Variants in RNF180 observed in about 807,000 individuals in gnomAD.
RNF180 encodes E3 ubiquitin-protein ligase RNF180.
RNF180 carries 38 observed loss-of-function variants against 59.2 expected under a neutral mutation model. The observed-to-expected ratio is 0.64, with a 90% CI of 0.50 to 0.84. The LOEUF (loss-of-function observed/expected upper bound fraction) is 0.84, where lower values mean the gene tolerates loss of function less well. Ranked by LOEUF, RNF180 falls within the 40% of genes least tolerant of loss-of-function variation. RNF180 has a pLI of 0.00. For synonymous variants in RNF180, 262 were observed against 240.3 expected, an observed-to-expected ratio of 1.09 and a Z score of -0.84; for missense variants, 705 against 700.9, an observed-to-expected ratio of 1.01 and a Z score of -0.07.
chr5:64,192,498 C>A (rs916313152), intron 1 of RNF180, among the ~76,000 whole-genome samples: 1 of 151,930 alleles, frequency 6.6e-6, no homozygotes. Flanking sequence ...ACAGTGAAAC[C>A]CTGTGTCTAG....
chr5:64,280,451 T>G (rs978408299), intron 5 of RNF180, among the ~76,000 whole-genome samples: 1 of 152,210 alleles, frequency 6.6e-6, no homozygotes, highest in African/African-American at 2.4e-5. Context: ...ATGGTTTATA[T>G]TTAAGTCTTG....
intron 7 of RNF180, among the ~76,000 whole-genome samples, chr5:64,336,970 G>GA (rs751597812): frequency 4.6e-4 from 70 of 150,678 alleles, no homozygotes; most frequent in Non-Finnish European, 9.4e-4. Context: ...CCAGACCACA[G>GA]AGGTTTTCAC....
intron 1 of RNF180, among the ~76,000 whole-genome samples, chr5:64,188,168 C>T (rs995351380): frequency 4.6e-5 from 7 of 152,176 alleles, no homozygotes; most frequent in African/African-American, 7.2e-5. Context: ...TTAACAGCCA[C>T]GGATGCCAAA....
intron 7 of RNF180, among the ~76,000 whole-genome samples, chr5:64,361,559 A>G (rs1264039111): frequency 6.6e-6 from 1 of 151,490 alleles, no homozygotes; most frequent in Non-Finnish European, 1.5e-5. Context: ...TCACTGGATT[A>G]TATGGCAAAA....
At chr5:64,328,213 G>A (rs929978738) in intron 6 of RNF180, among the ~76,000 whole-genome samples, 2 of 152,068 alleles carry the variant, frequency 1.3e-5, no homozygotes, top group East Asian at 3.9e-4. Context: ...TTTTGGGGGG[G>A]ATTTTTAACT....
chr5:64,281,741 C>T (rs1192378157), intron 5 of RNF180, among the ~76,000 whole-genome samples: 1 of 152,152 alleles, frequency 6.6e-6, no homozygotes. Flanking sequence ...TGTGATCCAC[C>T]CGCCTTGGCA....
At chr5:64,303,525 G>T (rs1005252436) in intron 5 of RNF180, among the ~76,000 whole-genome samples, 1 of 151,666 alleles carries the variant, frequency 6.6e-6, no homozygotes, top group African/African-American at 2.4e-5. Flanking sequence ...CCCCATTGCT[G>T]ATATGAAGAC....
At chr5:64,284,694 C>T (rs1263111754) in intron 5 of RNF180, among the ~76,000 whole-genome samples, 3 of 152,188 alleles carry the variant, frequency 2.0e-5, no homozygotes, top group East Asian at 3.8e-4. Context: ...GTTTGGTTCT[C>T]TCTTAAAAGG....
intron 1 of RNF180, among the ~76,000 whole-genome samples, chr5:64,191,265 A>T (rs1751143343): frequency 1.3e-5 from 2 of 152,206 alleles, no homozygotes; most frequent in African/African-American, 4.8e-5. Flanking sequence ...GTTTTGTATT[A>T]ATGTGGTACA....
At chr5:64,261,801 A>T (rs1744355508) in intron 5 of RNF180, among the ~76,000 whole-genome samples, 1 of 152,154 alleles carries the variant, frequency 6.6e-6, no homozygotes, top group Non-Finnish European at 1.5e-5. Flanking sequence ...TGCTGTAGCT[A>T]AGGAGTCATC....
intron 5 of RNF180, among the ~76,000 whole-genome samples, chr5:64,300,253 A>G (rs1229250763): frequency 6.6e-6 from 1 of 151,834 alleles, no homozygotes; most frequent in Admixed American, 6.6e-5. Flanking sequence ...GACATTGTGA[A>G]GGAAAAAAAT....
At chr5:64,259,183 G>A (rs777694889) in intron 5 of RNF180, among the ~76,000 whole-genome samples, 1 of 152,114 alleles carries the variant, frequency 6.6e-6, no homozygotes, top group Non-Finnish European at 1.5e-5. Flanking sequence ...TCATAAGAAG[G>A]CTGTATAAGT....
In RNF180 at chr5:64,348,041, T is replaced by A. The variant is rs554203304; in HGVS notation, c.1579+17635T>A. ...AGGTGCTACTCCATTATAGTATCACTTAAAATATGTATCTTATGCATTTCT... is the reference window on the plus strand; with the variant it reads ...AGGTGCTACTCCATTATAGTATCACATAAAATATGTATCTTATGCATTTCT... On this transcript the variant is annotated intron_variant, in intron 7 of 7. Coordinates refer to ENST00000389100, the MANE Select transcript of RNF180 (RefSeq NM_001113561.2). Among the ~76,000 whole-genome samples the A allele has an allele frequency of 2.6e-5, 4 of 152,244 alleles. No homozygotes were observed. The South Asian group carries it at 6.2e-4, about 24-fold the overall frequency.
At chr5:64,308,257 CA>C (rs1402841550) in intron 5 of RNF180, among the ~76,000 whole-genome samples, 1 of 151,656 alleles carries the variant, frequency 6.6e-6, no homozygotes, top group Non-Finnish European at 1.5e-5. Context: ...TTTGTAACTC[CA>C]AAATCAGTAC....
intron 5 of RNF180, among the ~76,000 whole-genome samples, chr5:64,300,084 C>A (rs1249216137): frequency 6.6e-6 from 1 of 151,586 alleles, no homozygotes; most frequent in African/African-American, 2.4e-5. Context: ...TACTGATGAT[C>A]CCAAAGCACA....
chr5:64,346,087 C>T lies in RNF180; in HGVS notation c.1579+15681C>T, dbSNP rs183229027. 8.6e-5 allele frequency among the ~76,000 whole-genome samples: 13 copies of T among 151,880 alleles called. No homozygotes were observed. In the East Asian group the frequency reaches 2.3e-3, roughly 27 times the overall value. On this transcript the variant is annotated intron_variant, in intron 7 of 7. Coordinates refer to ENST00000389100, the MANE Select transcript of RNF180 (RefSeq NM_001113561.2). The stretch of plus-strand genomic sequence containing the variant: ...GATACTAATAAAGAGGTAAAGAACT[C>T]CAGGAGAGATAACCATCAGCATTCA...
chr5:64,280,381 T>G (rs1482922196), intron 5 of RNF180, among the ~76,000 whole-genome samples: 1 of 152,226 alleles, frequency 6.6e-6, no homozygotes, highest in East Asian at 1.9e-4. Flanking sequence ...ATGAAATCTT[T>G]GCCAGGGCCT....
At chr5:64,168,451 G>A (rs989626374) in intron 1 of RNF180, among the ~76,000 whole-genome samples, 1 of 152,182 alleles carries the variant, frequency 6.6e-6, no homozygotes, top group African/African-American at 2.4e-5. Flanking sequence ...GTAGGCTGAA[G>A]TTCTGTGTGT....
chr5:64,275,338 A>G (rs1480765865), intron 5 of RNF180, among the ~76,000 whole-genome samples: 1 of 145,862 alleles, frequency 6.9e-6, no homozygotes, highest in Admixed American at 6.9e-5. Context: ...TATTCTCTAA[A>G]TCTTATTCTT....
Sources: allele counts gnomAD v4.1 joint callset (sites outside exome capture counted in the v4.1 genomes callset), GRCh38; gene constraint gnomAD v4.1.1; transcripts MANE v1.5; gene names NCBI Gene and HGNC (gene_info 2026-07-23, HGNC 2026-07-21).